ZNF180: variants seen among roughly 807,000 people sequenced by gnomAD.
The protein encoded by ZNF180 is zinc finger protein 180 (HHZ168).
ZNF180 carries 11 observed loss-of-function variants against 11.8 expected under a neutral mutation model. That is an observed-to-expected ratio of 0.93 (90% CI 0.59 to 1.55). ZNF180 has a LOEUF of 1.55. Ranked by LOEUF, ZNF180 falls within the 40% of genes most tolerant of loss-of-function variation. The probability of loss-of-function intolerance (pLI) is 0.00; values close to 1 mark genes in which losing one functional copy is unlikely to be tolerated. For synonymous variants in ZNF180, 287 were observed against 257.7 expected (o/e 1.11, Z -1.09); for missense variants, 773 against 781.7 (o/e 0.99, Z 0.13).
chr19:44,489,213 C>T (rs1249722217), intron 2 of ZNF180, among the ~76,000 whole-genome samples: 4,587 of 53,644 alleles, frequency 0.086, 300 homozygotes, highest in Middle Eastern at 0.21. Flanking sequence ...CGCCTCTGCC[C>T]GGCCACCACC....
At chr19:44,498,263 G>A (rs1865387) in intron 1 of ZNF180, among the ~76,000 whole-genome samples, 92,523 of 151,878 alleles carry the variant, frequency 0.61, 29,509 homozygotes, top group East Asian at 0.8. Flanking sequence ...AGAAGCTCAG[G>A]TGCCTCTGTA....
At chr19:44,487,560 C>T (rs937716954) in intron 2 of ZNF180, among the ~76,000 whole-genome samples, 4 of 152,158 alleles carry the variant, frequency 2.6e-5, no homozygotes, top group African/African-American at 9.7e-5. Flanking sequence ...GAGGAACCCT[C>T]AGTTCTGGGA....
At position 44,477,813 on chromosome 19, in the gene ZNF180, T is replaced by C. The variant is rs1265990152; in HGVS notation, c.587A>G (p.His196Arg). 4.3e-6 allele frequency: 7 copies of C among 1,613,970 alleles called. No individual in the cohort carries two copies. The highest frequency in any genetic ancestry group is 5.1e-6 in the Non-Finnish European group (6 of 1,179,964). Reference sequence around the variant, plus strand: ...AGCATTAAGATGCCATTTTTTAGCATGTGATACATGTTTATGAAAATGGTT... The same window carrying C: ...AGCATTAAGATGCCATTTTTTAGCACGTGATACATGTTTATGAAAATGGTT... ...IRNHFHKHVS[H>R]AKKWHLNAAV... The change falls in exon 5 of 5, where the codon CAT becomes CGT. Residue 196 changes from histidine to arginine, a missense_variant. Transcript: ENST00000592529.
Position 44,500,281 on chromosome 19 carries a change from GTC to G in ZNF180, c.-52_-51del, listed in dbSNP as rs761009815. ...GCCCCACGCCCCTACCAACCTGGGCGTCCGCTGGCCCGCAGCCCAGGCTGGGC... is the reference window on the plus strand; with the variant it reads ...GCCCCACGCCCCTACCAACCTGGGCGCGCTGGCCCGCAGCCCAGGCTGGGC... On this transcript the variant is annotated 5_prime_UTR_variant, in exon 1 of 5. Coordinates refer to ENST00000592529, the MANE Select transcript of ZNF180 (RefSeq NM_001278509.3). The G allele has an allele frequency of 3.2e-5, 51 of 1,611,886 alleles. 1 individual carries two copies. In the South Asian group the frequency reaches 4.3e-4, roughly 14 times the overall value.
rs1396640384 is a variant in ZNF180, at chr19:44,475,116, C to T, written c.*1286G>A. ...ATCAGAGGCTTCAATATATGGTCAT[C>T]CACAGGATTCAAATTCATGATTCAA... On this transcript the variant is annotated 3_prime_UTR_variant, in exon 5 of 5. Transcript: ENST00000592529. 1 of 152,170 alleles carries T rather than the reference C, an allele frequency of 6.6e-6. No individual in the cohort carries two copies. Among genetic ancestry groups the T allele is most frequent in the Non-Finnish European group, 1.5e-5 (1 of 68,046 alleles). The allele number at this position is 152,170 out of a possible 1,614,324, so 9.4% of individuals were successfully genotyped here.
chr19:44,477,140 C>T lies in ZNF180; in HGVS notation c.1260G>A (p.Arg420=). Reference sequence around the variant, plus strand: ...GATGTGCAATAAGTTTATAGCTCTGCCTGAATGACTTTCCACACTGATTGC... The same window carrying T: ...GATGTGCAATAAGTTTATAGCTCTGTCTGAATGACTTTCCACACTGATTGC... ...YECNQCGKSF[R]QSYKLIAHQR... Residue 420 remains arginine (R), a synonymous_variant, in exon 5 of 5, where the codon AGG becomes AGA. Coordinates refer to ENST00000592529, the MANE Select transcript of ZNF180 (RefSeq NM_001278509.3). 6.2e-7 allele frequency: 1 copy of T among 1,612,974 alleles called. No individual in the cohort carries two copies. Among genetic ancestry groups the T allele is most frequent in the Non-Finnish European group, 8.5e-7 (1 of 1,179,184 alleles).
chr19:44,484,573 C>T, intron 2 of ZNF180, 138 bp from the exon 3 acceptor site: 2 of 672,432 alleles, frequency 3.0e-6, no homozygotes, highest in Non-Finnish European at 5.4e-6. Context: ...TCTCCTCCCT[C>T]CTCCTAGTGG....
rs146903407 is a variant in ZNF180 at position 44,478,999 on chromosome 19, C to A, written c.253+284G>T. Reference sequence around the variant, plus strand: ...TTCAAAAAGCTGACAAGGAAAGATACAGGAATTTGAGTTTTCAAAGCTGGG... The same window carrying A: ...TTCAAAAAGCTGACAAGGAAAGATAAAGGAATTTGAGTTTTCAAAGCTGGG... On this transcript the variant is annotated intron_variant, in intron 4 of 4. Transcript: ENST00000592529. Among the ~76,000 whole-genome samples, 16 of 152,294 alleles carry A rather than the reference C, an allele frequency of 1.1e-4. No individual in the cohort carries two copies. In the East Asian group the frequency reaches 3.1e-3, roughly 29 times the overall value.
rs114772480 is a variant in ZNF180 at position 44,477,904 on chromosome 19, C to G, written c.496G>C (p.Asp166His). 1.3e-3 allele frequency: 2,020 copies of G among 1,613,982 alleles called. 23 individuals are homozygous for G. In the African/African-American group the frequency reaches 0.024, roughly 19 times the overall value. Residue 166 changes from aspartate to histidine, a missense_variant, in exon 5 of 5, where the codon GAT becomes CAT. Physicochemically the swap from Asp to His is moderately conservative, Grantham distance 81. Transcript: ENST00000592529. The stretch of plus-strand genomic sequence containing the variant: ...AGACCACTCTTCTCCCCAGTTTCAT[C>G]ACTTTTGCAGACTCTCTCATGAATA... ...AVIHERVCKS[D>H]ETGEKSGLNS...
chr19:44,485,975 A>C (rs1284629425), intron 2 of ZNF180, among the ~76,000 whole-genome samples: 2 of 152,240 alleles, frequency 1.3e-5, no homozygotes, highest in Non-Finnish European at 2.9e-5. Flanking sequence ...AACATAAAGT[A>C]CATCAGGATG....
Position 44,477,469 on chromosome 19 carries a change from A to T in ZNF180, c.931T>A (p.Ser311Thr). The part of the protein sequence containing the change: ...QYKCSETSHS[S>T]SLTQNMRNNS... ...TTTCTCATGTTTTGAGTAAGGGAGG[A>T]ACTATGAGAGGTTTCACTACATTTA... is the stretch of plus-strand genomic sequence containing the variant. Residue 311 changes from serine to threonine, a missense_variant, in exon 5 of 5, where the codon TCC (serine) becomes ACC (threonine). Physicochemically the swap from Ser to Thr is moderately conservative, Grantham distance 58 (BLOSUM62 1). Transcript: ENST00000592529. 1 of 1,614,040 alleles carries T rather than the reference A, an allele frequency of 6.2e-7. No homozygotes were observed. Among genetic ancestry groups the T allele is most frequent in the Middle Eastern group, 1.7e-4 (1 of 6,060 alleles).
At chr19:44,497,180 T>C (rs2571109) in intron 2 of ZNF180, 104 bp downstream of exon 2, 670,843 of 1,011,552 alleles carry the variant, frequency 0.66, 224,271 homozygotes, top group African/African-American at 0.81. Context: ...CATGAGGGCC[T>C]CAAACCCCCT....
intron 2 of ZNF180, among the ~76,000 whole-genome samples, chr19:44,487,028 G>A (rs2123468248): frequency 6.6e-6 from 1 of 152,176 alleles, no homozygotes; most frequent in Middle Eastern, 3.4e-3. Context: ...GGGCAAGAGA[G>A]TGAGACTCCA....
At position 44,495,952 on chromosome 19, in the gene ZNF180, C is replaced by T. The variant is rs1305448114; in HGVS notation, c.51+1332G>A. Among the ~76,000 whole-genome samples the T allele has an allele frequency of 2.0e-5, 3 of 152,182 alleles. No homozygotes were observed. Among genetic ancestry groups the T allele is most frequent in the Non-Finnish European group, 4.4e-5 (3 of 68,042 alleles). On this transcript the variant is annotated intron_variant, in intron 2 of 4. Transcript: ENST00000592529. This position sits in a 1 kb window ranked among gnomAD's most constrained non-coding sequence, Gnocchi z 4.5. ...CTTGTTCAGGAAGAGAAAGGAGAAG[C>T]TCTAATTTAACAGTTTTAAGAAATT... is the stretch of plus-strand genomic sequence containing the variant.
intron 4 of ZNF180, among the ~76,000 whole-genome samples, chr19:44,478,771 T>A (rs910983222): frequency 5.9e-5 from 9 of 151,890 alleles, no homozygotes; most frequent in African/African-American, 1.9e-4. Flanking sequence ...CAATAGAGAG[T>A]ATATATGGAA....
In ZNF180 at chr19:44,497,481, T is replaced by C. The variant is rs868477629; in HGVS notation, c.-43-104A>G. On this transcript the variant is annotated intron_variant, in intron 1 of 4. Transcript: ENST00000592529. ...TCCCAGGATGCAGGATGCATTCCCA[T>C]AGCAAATGCACTTCTGGAGGTTCCT... 7 of 1,151,894 alleles carry C rather than the reference T, an allele frequency of 6.1e-6. No individual in the cohort carries two copies. In the South Asian group the frequency reaches 7.5e-5, roughly 12 times the overall value. The allele number at this position is 1,151,894 out of a possible 1,614,324, so 71.4% of individuals were successfully genotyped here. A position where few individuals can be genotyped will look rare whatever the true frequency, so the allele number is the denominator to read the frequency against.
chr19:44,489,114 CCT>C (rs2123478193), intron 2 of ZNF180, among the ~76,000 whole-genome samples: 1 of 128,454 alleles, frequency 7.8e-6, no homozygotes, highest in African/African-American at 2.8e-5. Context: ...GGGGGGCCAG[CCT>C]CCCGCCCGGC....
intron 1 of ZNF180, among the ~76,000 whole-genome samples, chr19:44,497,791 C>T (rs890696684): frequency 3.3e-5 from 5 of 152,138 alleles, no homozygotes; most frequent in East Asian, 1.9e-4. Flanking sequence ...CCTCAATCTA[C>T]AGCCCCAAAC....
At chr19:44,492,056 C>T (rs1187073681) in intron 2 of ZNF180, among the ~76,000 whole-genome samples, 1 of 152,214 alleles carries the variant, frequency 6.6e-6, no homozygotes, top group African/African-American at 2.4e-5. Context: ...CAAATGCCAC[C>T]TCCTCCATGA....
Sources: gnomAD v4.1 joint callset for allele counts (sites outside exome capture counted in the v4.1 genomes callset) on GRCh38, gnomAD v4.1.1 for gene constraint, Gnocchi (gnomAD v3.1) non-coding constraint, MANE v1.5 for transcripts, NCBI Gene and HGNC (gene_info 2026-07-23, HGNC 2026-07-21) for gene names.